CDH4: variants seen among roughly 807,000 people sequenced by gnomAD.
The protein encoded by CDH4 is cadherin-4.
Under a neutral mutation model 86.0 loss-of-function variants are expected in CDH4, and 33 were observed. That is an observed-to-expected ratio of 0.38 (90% CI 0.29 to 0.51). The LOEUF (loss-of-function observed/expected upper bound fraction) is 0.51. CDH4 is among the 20% of genes least tolerant of loss of function. The probability of loss-of-function intolerance (pLI) is 0.86; values close to 1 mark genes in which losing one functional copy is unlikely to be tolerated. For synonymous variants in CDH4, 555 were observed against 549.4 expected (o/e 1.01, Z -0.14); for missense variants, 1,114 against 1,307.4 (o/e 0.85, Z 2.28).
chr20:61,269,592 A>T lies in CDH4; in HGVS notation c.169+14655A>T, dbSNP rs182041531. Among the ~76,000 whole-genome samples, 1,525 of 152,124 alleles carry T rather than the reference A, an allele frequency of 0.01. 21 individuals carry two copies. The highest frequency in any genetic ancestry group is 0.035 in the African/African-American group (1,435 of 41,504). Reference sequence around the variant, plus strand: ...GCTGGCTTGCTCTTATTTATTAATTATTTATTAGTTATAATTATTTATTTA... The same window carrying T: ...GCTGGCTTGCTCTTATTTATTAATTTTTTATTAGTTATAATTATTTATTTA... On this transcript the variant is annotated intron_variant, in intron 2 of 15. Transcript: ENST00000614565. This position sits in a 1 kb window ranked among gnomAD's most constrained non-coding sequence, Gnocchi z 5.3.
chr20:61,316,642 TGATGG>T (rs1481186642), intron 2 of CDH4, among the ~76,000 whole-genome samples: 2 of 152,238 alleles, frequency 1.3e-5, no homozygotes, highest in Non-Finnish European at 2.9e-5. Flanking sequence ...TGTTGCTGAC[TGATGG>T]GTGGAAGGTT....
intron 2 of CDH4, among the ~76,000 whole-genome samples, chr20:61,513,694 C>A (rs2085796774): frequency 6.6e-6 from 1 of 152,220 alleles, no homozygotes; most frequent in Non-Finnish European, 1.5e-5. Flanking sequence ...TAAAAAGCAT[C>A]TGACAACCAC....
rs1305624223 is a variant in CDH4, at chr20:61,269,088, C to T, written c.169+14151C>T. Among the ~76,000 whole-genome samples, 1 of 152,186 alleles carries T rather than the reference C, an allele frequency of 6.6e-6. No homozygotes were observed. On this transcript the variant is annotated intron_variant, in intron 2 of 15. Coordinates refer to ENST00000614565, the MANE Select transcript of CDH4 (RefSeq NM_001794.5). The surrounding 1 kb of genome is among the most constrained non-coding windows in gnomAD (Gnocchi z 5.3). The stretch of plus-strand genomic sequence containing the variant: ...GGCTCGGCCCCACTTGAGGGGTTAA[C>T]AGCACCACTGTCTGTTGTTCTGGTC...
intron 2 of CDH4, 104 bp downstream of exon 2, chr20:61,255,041 G>A: frequency 2.7e-6 from 2 of 741,972 alleles, no homozygotes; most frequent in South Asian, 3.1e-5. Context: ...TGTGCTCTCT[G>A]TGAAATGATG....
At chr20:61,335,983 TGA>T (rs751238113) in intron 2 of CDH4, among the ~76,000 whole-genome samples, 4 of 152,202 alleles carry the variant, frequency 2.6e-5, no homozygotes, top group Non-Finnish European at 5.9e-5. Context: ...GCCCACATCA[TGA>T]TCACCTCTTA....
chr20:61,582,408 G>C lies in CDH4; in HGVS notation c.170-161155G>C, dbSNP rs2086436391. On this transcript the variant is annotated intron_variant, in intron 2 of 15. Transcript: ENST00000614565. The surrounding 1 kb of genome is among the most constrained non-coding windows in gnomAD (Gnocchi z 4.2). Reference sequence around the variant, plus strand: ...TCCCAGGGCCATCCCCCTGCCTGGGGCCCTGTCCGCAAGTCCTTCTCAGAA... The same window carrying C: ...TCCCAGGGCCATCCCCCTGCCTGGGCCCCTGTCCGCAAGTCCTTCTCAGAA... Among the ~76,000 whole-genome samples the C allele has an allele frequency of 6.6e-6, 1 of 152,220 alleles. No individual in the cohort carries two copies. Among genetic ancestry groups the C allele is most frequent in the Non-Finnish European group, 1.5e-5 (1 of 68,026 alleles).
chr20:61,750,752 G>T (rs1184402448), intron 3 of CDH4, among the ~76,000 whole-genome samples: 1 of 152,184 alleles, frequency 6.6e-6, no homozygotes, highest in Non-Finnish European at 1.5e-5. Flanking sequence ...TGTCCTAAAA[G>T]AACCTGTACT....
intron 2 of CDH4, among the ~76,000 whole-genome samples, chr20:61,547,469 C>T (rs1432410158): frequency 6.6e-6 from 1 of 151,908 alleles, no homozygotes; most frequent in African/African-American, 2.4e-5. Context: ...CCACCTCAGC[C>T]TCCCAAAGTG....
intron 6 of CDH4, among the ~76,000 whole-genome samples, chr20:61,866,099 G>A (rs1188325793): frequency 2.0e-5 from 3 of 152,154 alleles, no homozygotes; most frequent in Non-Finnish European, 4.4e-5. Flanking sequence ...CAGTTGTTCT[G>A]TAGTGGCCAC....
chr20:61,704,463 A>G (rs1348325243), intron 2 of CDH4, among the ~76,000 whole-genome samples: 3 of 152,126 alleles, frequency 2.0e-5, no homozygotes, highest in African/African-American at 4.8e-5. Flanking sequence ...GCCCAAGTCA[A>G]GTTTTCTGGA....
chr20:61,515,019 C>T lies in CDH4; in HGVS notation c.170-228544C>T, dbSNP rs554145067. On this transcript the variant is annotated intron_variant, in intron 2 of 15. Transcript: ENST00000614565. Reference sequence around the variant, plus strand: ...CTCTGCCCTGCACCTGAAAACAAGACGCCAGCTCTTCTCGGTTTCCTGCCA... The same window carrying T: ...CTCTGCCCTGCACCTGAAAACAAGATGCCAGCTCTTCTCGGTTTCCTGCCA... 1.6e-4 allele frequency among the ~76,000 whole-genome samples: 25 copies of T among 152,336 alleles called. No individual in the cohort carries two copies. The South Asian group carries it at 2.7e-3, about 16-fold the overall frequency.
At chr20:61,732,270 A>G (rs2088200028) in intron 2 of CDH4, among the ~76,000 whole-genome samples, 1 of 152,198 alleles carries the variant, frequency 6.6e-6, no homozygotes, top group Non-Finnish European at 1.5e-5. Context: ...GAACACTGTG[A>G]TATTCCAAAC....
chr20:61,927,184 T>G (rs776470634), intron 11 of CDH4, among the ~76,000 whole-genome samples: 2 of 152,216 alleles, frequency 1.3e-5, no homozygotes, highest in Non-Finnish European at 2.9e-5. Flanking sequence ...AACACGTGGT[T>G]GTTAACGTCA....
intron 2 of CDH4, among the ~76,000 whole-genome samples, chr20:61,462,107 C>T (rs564082153): frequency 1.3e-5 from 2 of 152,286 alleles, no homozygotes; most frequent in African/African-American, 4.8e-5. Flanking sequence ...CCAAAATTAA[C>T]CCAGGACTGG....
At chr20:61,850,700 G>A (rs940384284) in intron 5 of CDH4, among the ~76,000 whole-genome samples, 3 of 152,266 alleles carry the variant, frequency 2.0e-5, no homozygotes, top group Non-Finnish European at 4.4e-5. Context: ...TTTGCAGGTT[G>A]CAGAACGCTC....
At chr20:61,572,256 C>T (rs902100935) in intron 2 of CDH4, among the ~76,000 whole-genome samples, 1 of 152,062 alleles carries the variant, frequency 6.6e-6, no homozygotes, top group East Asian at 1.9e-4. Flanking sequence ...TGTGTGTGTC[C>T]CTTAGACTAA....
intron 7 of CDH4, among the ~76,000 whole-genome samples, chr20:61,884,900 C>T (rs919451801): frequency 6.6e-6 from 1 of 152,132 alleles, no homozygotes; most frequent in African/African-American, 2.4e-5. Context: ...GGGACACCGG[C>T]TGGAGCCCCG....
chr20:61,802,672 G>C (rs1979892539), intron 4 of CDH4, among the ~76,000 whole-genome samples: 9 of 152,242 alleles, frequency 5.9e-5, no homozygotes, highest in Admixed American at 5.9e-4. Flanking sequence ...AAAGGAAATG[G>C]AGAAAAGGCA....
At chr20:61,456,955 C>A (rs975218166) in intron 2 of CDH4, among the ~76,000 whole-genome samples, 1 of 152,166 alleles carries the variant, frequency 6.6e-6, no homozygotes, top group Non-Finnish European at 1.5e-5. Flanking sequence ...TGGAAACTCG[C>A]TGCACAAAGA....
Sources: allele counts gnomAD v4.1 joint callset (sites outside exome capture counted in the v4.1 genomes callset), GRCh38; gene constraint gnomAD v4.1.1; non-coding constraint Gnocchi (gnomAD v3.1); transcripts MANE v1.5; gene names NCBI Gene and HGNC (gene_info 2026-07-23, HGNC 2026-07-21).